The following AP3B1 variants were observed in gnomAD, a reference collection of about 807,000 sequenced individuals.
The protein encoded by AP3B1 is adaptor related protein complex 3 subunit beta 1, also known as AP-3 complex subunit beta-1.
In AP3B1, 61 loss-of-function variants were observed where a neutral mutation model predicts 132.5. The observed-to-expected ratio is 0.46, with a 90% CI of 0.37 to 0.57. The LOEUF is 0.57. Among genes scored for constraint, AP3B1 ranks in the 20% least tolerant of loss-of-function variants. The pLI, the probability that AP3B1 is intolerant of heterozygous loss-of-function variation, is 0.00. For synonymous variants in AP3B1, 388 were observed against 438.3 expected (o/e 0.89, Z 1.43); for missense variants, 1,120 against 1,289.4 (o/e 0.87, Z 2.01).
chr5:78,158,765 C>T (rs147367623), intron 13 of AP3B1, among the ~76,000 whole-genome samples: 221 of 151,388 alleles, frequency 1.5e-3, no homozygotes, highest in Admixed American at 3.4e-3. Flanking sequence ...GGCGCAATCT[C>T]GGCTCACTGC....
At chr5:78,292,857 C>A (rs1749590931) in intron 1 of AP3B1, among the ~76,000 whole-genome samples, 1 of 151,532 alleles carries the variant, frequency 6.6e-6, no homozygotes, top group Non-Finnish European at 1.5e-5. Context: ...CAAATCAGGT[C>A]CAAATTTGAC....
At chr5:78,097,474 T>C (rs1386484473) in intron 21 of AP3B1, among the ~76,000 whole-genome samples, 3 of 109,026 alleles carry the variant, frequency 2.8e-5, no homozygotes, top group African/African-American at 7.1e-5. Flanking sequence ...GAGGAGCCCC[T>C]CTGCCCGGCC....
At chr5:78,214,781 A>G (rs1323602248) in intron 7 of AP3B1, among the ~76,000 whole-genome samples, 1 of 152,180 alleles carries the variant, frequency 6.6e-6, no homozygotes, top group Admixed American at 6.5e-5. Context: ...CTCAATGATA[A>G]ATAAAATTAA....
In AP3B1 at chr5:78,191,618, GATTGTTGAATCC is replaced by G. The variant is rs1479904128; in HGVS notation, c.787-9968_787-9957del. On this transcript the variant is annotated intron_variant, in intron 7 of 26. Transcript: ENST00000255194. ...TAATTGAGGTGATAAGTGAACTCAA[GATTGTTGAATCC>G]ATTCCCTAGAACCACAAGTAGAACA... is the stretch of plus-strand genomic sequence containing the variant. 2.0e-5 allele frequency among the ~76,000 whole-genome samples: 3 copies of G among 152,070 alleles called. No individual in the cohort carries two copies. The East Asian group carries it at 5.8e-4, about 29-fold the overall frequency.
At chr5:78,178,363 C>T (rs1744235464) in intron 8 of AP3B1, among the ~76,000 whole-genome samples, 1 of 152,198 alleles carries the variant, frequency 6.6e-6, no homozygotes, top group Non-Finnish European at 1.5e-5. Context: ...TGGCTCACGC[C>T]TGTACTCCCA....
chr5:78,150,772 T>C (rs183034998), intron 14 of AP3B1, among the ~76,000 whole-genome samples: 250 of 152,236 alleles, frequency 1.6e-3, no homozygotes, highest in African/African-American at 5.5e-3. Context: ...GCTTTATTTA[T>C]TTATTTTTTT....
In AP3B1 at chr5:78,205,852, T is replaced by C. The variant is rs930560321; in HGVS notation, c.786+10203A>G. On this transcript the variant is annotated intron_variant, in intron 7 of 26. Transcript: ENST00000255194. Reference sequence around the variant, plus strand: ...TGAAGAGGAAAGGGGATTTATTTTGTCTAAAAAAATTTTTTTTTTTCAGAA... The same window carrying C: ...TGAAGAGGAAAGGGGATTTATTTTGCCTAAAAAAATTTTTTTTTTTCAGAA... Among the ~76,000 whole-genome samples the C allele has an allele frequency of 1.2e-4, 13 of 107,820 alleles. No homozygotes were observed. In the East Asian group the frequency reaches 2.7e-3, roughly 22 times the overall value. 70.7% of individuals were successfully genotyped at this position (107,820 alleles called of 152,430 possible). A position where few individuals can be genotyped will look rare whatever the true frequency, so the allele number is the denominator to read the frequency against.
At chr5:78,081,297 T>C (rs1749989291) in intron 22 of AP3B1, among the ~76,000 whole-genome samples, 1 of 147,250 alleles carries the variant, frequency 6.8e-6, no homozygotes, top group Non-Finnish European at 1.5e-5. Flanking sequence ...ACAGCATTAC[T>C]TCATTTTTTT....
At chr5:78,098,316 G>A (rs1413990606) in intron 21 of AP3B1, among the ~76,000 whole-genome samples, 2 of 150,024 alleles carry the variant, frequency 1.3e-5, no homozygotes, top group Non-Finnish European at 3.0e-5. Context: ...AAAAAAAAAA[G>A]CTTGTATCTC....
In AP3B1 at chr5:78,062,828, C is replaced by T. The variant is rs144164427; in HGVS notation, c.2578-23554G>A. On this transcript the variant is annotated intron_variant, in intron 22 of 26. Coordinates refer to ENST00000255194, the MANE Select transcript of AP3B1 (RefSeq NM_003664.5). ...GAGTCATAATTAAAGCTGAACTGAG[C>T]GGAATTGGAGAGGGAAGGTCAGCGA... Among the ~76,000 whole-genome samples the T allele has an allele frequency of 1.4e-3, 212 of 152,106 alleles. 1 individual carries two copies. Among genetic ancestry groups the T allele is most frequent in the African/African-American group, 4.9e-3 (205 of 41,494 alleles).
At chr5:78,208,513 T>C (rs900695747) in intron 7 of AP3B1, among the ~76,000 whole-genome samples, 1 of 152,170 alleles carries the variant, frequency 6.6e-6, no homozygotes, top group Admixed American at 6.6e-5. Flanking sequence ...AATATACATA[T>C]GTCAAATAAG....
intron 2 of AP3B1, among the ~76,000 whole-genome samples, chr5:78,252,367 C>T (rs1032128594): frequency 1.3e-5 from 2 of 152,178 alleles, no homozygotes; most frequent in African/African-American, 4.8e-5. Flanking sequence ...CAGGGTAGAG[C>T]ACCAAGTGGG....
chr5:78,260,428 G>A (rs531234303), intron 2 of AP3B1, among the ~76,000 whole-genome samples: 3 of 151,860 alleles, frequency 2.0e-5, no homozygotes, highest in Non-Finnish European at 2.9e-5. Flanking sequence ...CCCCCGTCTC[G>A]ACTAAAAGTA....
At chr5:78,258,317 A>G (rs141988649) in intron 2 of AP3B1, among the ~76,000 whole-genome samples, 6 of 152,380 alleles carry the variant, frequency 3.9e-5, no homozygotes, top group African/African-American at 1.2e-4. Flanking sequence ...TCTATAGGAA[A>G]AAGTCTAATA....
chr5:78,236,832 C>A (rs1003761432), intron 3 of AP3B1, among the ~76,000 whole-genome samples: 17 of 152,052 alleles, frequency 1.1e-4, no homozygotes, highest in African/African-American at 3.9e-4. Context: ...CTTTCTTATA[C>A]CACAGGCCAT....
At chr5:78,134,418 A>AT (rs1184637240) in intron 15 of AP3B1, among the ~76,000 whole-genome samples, 1 of 152,144 alleles carries the variant, frequency 6.6e-6, no homozygotes, top group Non-Finnish European at 1.5e-5. Context: ...CATTGCTGTT[A>AT]TTTTTTAACA....
At chr5:78,223,019 G>GTTTCTCTTTTTT (rs1229443158) in intron 6 of AP3B1, among the ~76,000 whole-genome samples, 2 of 105,394 alleles carry the variant, frequency 1.9e-5, no homozygotes, top group African/African-American at 7.2e-5. Context: ...TTGTTTGTTT[G>GTTTCTCTTTTTT]TTTGTTTCTT....
At chr5:78,116,073 T>A (rs148116161) in intron 18 of AP3B1, 53 bp downstream of exon 18, 6 of 1,313,070 alleles carry the variant, frequency 4.6e-6, no homozygotes, top group African/African-American at 2.9e-5. Flanking sequence ...TTCTGAGATA[T>A]AGAATGTAAT....
chr5:78,128,500 T>C (rs890466076), intron 16 of AP3B1, among the ~76,000 whole-genome samples: 1 of 152,048 alleles, frequency 6.6e-6, no homozygotes, highest in Non-Finnish European at 1.5e-5. Context: ...AGAATTTTAA[T>C]AGTTTTTCTA....
Sources: allele counts gnomAD v4.1 joint callset (sites outside exome capture counted in the v4.1 genomes callset), GRCh38; gene constraint gnomAD v4.1.1; transcripts MANE v1.5; gene names NCBI Gene and HGNC (gene_info 2026-07-23, HGNC 2026-07-21).